Variants in PTPRM observed in about 807,000 individuals in gnomAD.
PTPRM encodes the protein receptor-type tyrosine-protein phosphatase mu.
In PTPRM, 47 loss-of-function variants were observed where a neutral mutation model predicts 186.7. The observed-to-expected ratio is 0.25, with a 90% CI of 0.20 to 0.32. PTPRM has a LOEUF of 0.32. Ranked by LOEUF, PTPRM falls within the 10% of genes least tolerant of loss-of-function variation. The probability of loss-of-function intolerance (pLI) is 1.00; values close to 1 mark genes in which losing one functional copy is unlikely to be tolerated. For missense variants in PTPRM, 1,494 were observed against 1,865.0 expected (o/e 0.80, Z 3.66); for synonymous variants, 668 against 674.9 (o/e 0.99, Z 0.16).
chr18:8,242,721 T>C (rs1466223025), intron 14 of PTPRM, among the ~76,000 whole-genome samples: 2 of 152,236 alleles, frequency 1.3e-5, no homozygotes, highest in Non-Finnish European at 2.9e-5. Flanking sequence ...AAAATATTAT[T>C]GTAACTACAG....
intron 14 of PTPRM, among the ~76,000 whole-genome samples, chr18:8,205,011 C>T (rs987295461): frequency 1.2e-4 from 19 of 152,096 alleles, no homozygotes; most frequent in Non-Finnish European, 8.8e-5. Context: ...TTCTTTATTG[C>T]GTTTCTCTTA....
chr18:8,167,786 A>G (rs1301823841), intron 14 of PTPRM, among the ~76,000 whole-genome samples: 1 of 152,216 alleles, frequency 6.6e-6, no homozygotes, highest in African/African-American at 2.4e-5. Flanking sequence ...TGGCTCTGAT[A>G]TGGGAGCAGT....
chr18:8,017,050 A>C (rs2147923953), intron 7 of PTPRM, among the ~76,000 whole-genome samples: 1 of 152,336 alleles, frequency 6.6e-6, no homozygotes, highest in Non-Finnish European at 1.5e-5. Context: ...ATTCATCTAT[A>C]AATTACATAC....
At chr18:8,154,311 C>G (rs1272026120) in intron 14 of PTPRM, among the ~76,000 whole-genome samples, 2 of 152,178 alleles carry the variant, frequency 1.3e-5, no homozygotes, top group Admixed American at 6.5e-5. Flanking sequence ...TGCACTCATT[C>G]CTGTGTGGAC....
intron 1 of PTPRM, among the ~76,000 whole-genome samples, chr18:7,584,345 T>C (rs2036921832): frequency 6.6e-6 from 1 of 152,104 alleles, no homozygotes; most frequent in African/African-American, 2.4e-5. Context: ...AGAGATAAAA[T>C]GAGGTGTTTG....
chr18:7,639,651 C>T (rs1056380129), intron 1 of PTPRM, among the ~76,000 whole-genome samples: 1 of 152,136 alleles, frequency 6.6e-6, no homozygotes, highest in African/African-American at 2.4e-5. Context: ...CTTGGCCTCC[C>T]AAAGTGCTGG....
intron 19 of PTPRM, among the ~76,000 whole-genome samples, chr18:8,264,251 C>T (rs2094671459): frequency 6.6e-6 from 1 of 152,130 alleles, no homozygotes. Flanking sequence ...CTAATAGAAG[C>T]AATGTAGAAT....
At chr18:8,257,827 C>G (rs975615445) in intron 19 of PTPRM, among the ~76,000 whole-genome samples, 5 of 152,132 alleles carry the variant, frequency 3.3e-5, no homozygotes, top group Admixed American at 3.3e-4. Flanking sequence ...CAGGTTTCAA[C>G]CAATTCTTCT....
intron 1 of PTPRM, among the ~76,000 whole-genome samples, chr18:7,629,428 C>T (rs1452821267): frequency 6.6e-6 from 1 of 152,188 alleles, no homozygotes; most frequent in Admixed American, 6.5e-5. Flanking sequence ...GAGATGTTTT[C>T]ATTCATTAGA....
intron 7 of PTPRM, among the ~76,000 whole-genome samples, chr18:8,021,473 T>G (rs2085230520): frequency 6.7e-6 from 1 of 148,162 alleles, no homozygotes; most frequent in African/African-American, 2.5e-5. Context: ...ATCTAGATTT[T>G]AAGCCCCGCG....
At chr18:7,673,566 CAA>C (rs1440677361) in intron 1 of PTPRM, among the ~76,000 whole-genome samples, 1 of 151,844 alleles carries the variant, frequency 6.6e-6, no homozygotes, top group Non-Finnish European at 1.5e-5. Flanking sequence ...TTCTACAAAA[CAA>C]AGTGAAAAAG....
At chr18:7,601,455 G>A (rs1003934573) in intron 1 of PTPRM, among the ~76,000 whole-genome samples, 6 of 152,222 alleles carry the variant, frequency 3.9e-5, no homozygotes, top group African/African-American at 1.2e-4. Context: ...GAGTCAAGGT[G>A]TGAGCAGCTA....
chr18:7,651,879 A>G (rs1219610547), intron 1 of PTPRM, among the ~76,000 whole-genome samples: 2 of 151,436 alleles, frequency 1.3e-5, no homozygotes, highest in Non-Finnish European at 3.0e-5. Flanking sequence ...AAGCAATGGC[A>G]ACAAAAGCCA....
intron 1 of PTPRM, among the ~76,000 whole-genome samples, chr18:7,608,981 A>G (rs1451361114): frequency 6.6e-6 from 1 of 152,144 alleles, no homozygotes; most frequent in Non-Finnish European, 1.5e-5. Flanking sequence ...CATAAGGTCG[A>G]CTGATTAGAG....
chr18:7,840,270 C>T (rs2046259943), intron 2 of PTPRM, among the ~76,000 whole-genome samples: 1 of 151,798 alleles, frequency 6.6e-6, no homozygotes, highest in South Asian at 2.1e-4. Flanking sequence ...GGTGTCCTTG[C>T]AGGAAAGACC....
At chr18:8,317,039 C>A (rs1240331420) in intron 21 of PTPRM, among the ~76,000 whole-genome samples, 1 of 152,046 alleles carries the variant, frequency 6.6e-6, no homozygotes, top group Non-Finnish European at 1.5e-5. Context: ...CAGGTCAGGT[C>A]CACAGTTGTA....
chr18:8,403,952 T>C (rs1333877081), intron 32 of PTPRM: 1 of 152,250 alleles, frequency 6.6e-6, no homozygotes, highest in African/African-American at 2.4e-5. Context: ...TACTACATTT[T>C]ATTGATGTAC....
At chr18:8,325,543 C>T (rs1261772568) in intron 22 of PTPRM, among the ~76,000 whole-genome samples, 2 of 152,190 alleles carry the variant, frequency 1.3e-5, no homozygotes, top group Admixed American at 1.3e-4. Flanking sequence ...ATTTGTACTA[C>T]ATTTTCTTTA....
chr18:8,252,417 G>A (rs550133655), intron 17 of PTPRM, 71 bp from the exon 18 acceptor site: 111 of 1,187,576 alleles, frequency 9.3e-5, no homozygotes, highest in Non-Finnish European at 1.2e-4. Context: ...AATTATGCAC[G>A]CAGTACTATT....
Sources: gnomAD v4.1 joint callset for allele counts (sites outside exome capture counted in the v4.1 genomes callset) on GRCh38, gnomAD v4.1.1 for gene constraint, MANE v1.5 for transcripts, NCBI Gene and HGNC (gene_info 2026-07-23, HGNC 2026-07-21) for gene names.